BMP6: variants seen among roughly 807,000 people sequenced by gnomAD.
The protein encoded by BMP6 is VG-1-R.
Under a neutral mutation model 54.1 loss-of-function variants are expected in BMP6, and 17 were observed. The observed-to-expected ratio is 0.31, with a 90% CI of 0.22 to 0.47. The LOEUF (loss-of-function observed/expected upper bound fraction) is 0.47. Among genes scored for constraint, BMP6 ranks in the 20% least tolerant of loss-of-function variants. The pLI is 1.00. For missense variants in BMP6, 720 were observed against 690.4 expected, an observed-to-expected ratio of 1.04 and a Z score of -0.48; for synonymous variants, 328 against 291.2, an observed-to-expected ratio of 1.13 and a Z score of -1.28.
intron 1 of BMP6, among the ~76,000 whole-genome samples, chr6:7,805,388 T>G (rs1482768063): frequency 6.6e-6 from 1 of 152,244 alleles, no homozygotes; most frequent in African/African-American, 2.4e-5. Context: ...CACACGATTA[T>G]TATCTTGGTT....
At chr6:7,787,206 AATGTGTTG>A (rs952605513) in intron 1 of BMP6, among the ~76,000 whole-genome samples, 8 of 151,974 alleles carry the variant, frequency 5.3e-5, no homozygotes, top group African/African-American at 1.9e-4. Flanking sequence ...CTCTTGGGAA[AATGTGTTG>A]ATTTGTCTTC....
intron 1 of BMP6, among the ~76,000 whole-genome samples, chr6:7,777,473 C>A (rs1359405769): frequency 6.6e-6 from 1 of 152,262 alleles, no homozygotes; most frequent in East Asian, 1.9e-4. Flanking sequence ...GGAATGCCCC[C>A]CTCTGGCTCC....
intron 1 of BMP6, among the ~76,000 whole-genome samples, chr6:7,823,686 G>A (rs1194276434): frequency 6.6e-6 from 1 of 152,194 alleles, no homozygotes; most frequent in Non-Finnish European, 1.5e-5. Flanking sequence ...AGGGGAGAGA[G>A]AAAGCTGTGT....
At chr6:7,867,262 C>T (rs926284881) in intron 4 of BMP6, among the ~76,000 whole-genome samples, 4 of 152,194 alleles carry the variant, frequency 2.6e-5, no homozygotes, top group African/African-American at 9.7e-5. Flanking sequence ...GGCTCTAGTA[C>T]ATTCAGGGAT....
intron 1 of BMP6, among the ~76,000 whole-genome samples, chr6:7,813,599 C>T (rs1173212555): frequency 2.3e-5 from 3 of 131,738 alleles, no homozygotes; most frequent in Non-Finnish European, 4.6e-5. Flanking sequence ...GCTGTGATCA[C>T]ACCACTGCGC....
intron 1 of BMP6, among the ~76,000 whole-genome samples, chr6:7,785,447 T>C (rs575962470): frequency 5.9e-5 from 9 of 152,326 alleles, no homozygotes; most frequent in African/African-American, 2.2e-4. Context: ...AGATTGGTTG[T>C]GTTTTATTAT....
chr6:7,857,589 A>G (rs1581280439), intron 2 of BMP6, among the ~76,000 whole-genome samples: 1 of 152,242 alleles, frequency 6.6e-6, no homozygotes, highest in African/African-American at 2.4e-5. Flanking sequence ...TATCAGTGAC[A>G]CACATTTTAG....
chr6:7,758,101 A>G (rs1012104522), intron 1 of BMP6, among the ~76,000 whole-genome samples: 1 of 152,228 alleles, frequency 6.6e-6, no homozygotes, highest in African/African-American at 2.4e-5. Flanking sequence ...TACTCTTGCT[A>G]GTAGAGAAGA....
chr6:7,731,975 ATATT>A (rs1761867509), intron 1 of BMP6, among the ~76,000 whole-genome samples: 1 of 152,252 alleles, frequency 6.6e-6, no homozygotes, highest in African/African-American at 2.4e-5. Context: ...GAATCAGTAT[ATATT>A]AGTACAAGCA....
intron 2 of BMP6, among the ~76,000 whole-genome samples, chr6:7,860,804 C>A (rs1426775894): frequency 6.6e-6 from 1 of 152,140 alleles, no homozygotes. Flanking sequence ...TCTTGTTTCT[C>A]CTTATTTCAT....
At chr6:7,869,526 C>T (rs1201471571) in intron 4 of BMP6, among the ~76,000 whole-genome samples, 4 of 152,212 alleles carry the variant, frequency 2.6e-5, no homozygotes, top group African/African-American at 4.8e-5. Context: ...CCCAGCTAGC[C>T]GCCTTCTGTT....
At chr6:7,754,241 C>G (rs1757473212) in intron 1 of BMP6, among the ~76,000 whole-genome samples, 1 of 152,138 alleles carries the variant, frequency 6.6e-6, no homozygotes, top group Non-Finnish European at 1.5e-5. Flanking sequence ...TCTCAGCCTC[C>G]CGAGTAGCTG....
At chr6:7,767,026 A>G (rs1364146413) in intron 1 of BMP6, among the ~76,000 whole-genome samples, 1 of 147,144 alleles carries the variant, frequency 6.8e-6, no homozygotes, top group Admixed American at 6.8e-5. Flanking sequence ...TCGCTCTGTC[A>G]CCCAGGCTGG....
chr6:7,734,157 C>G (rs1463717975), intron 1 of BMP6, among the ~76,000 whole-genome samples: 1 of 152,150 alleles, frequency 6.6e-6, no homozygotes, highest in East Asian at 1.9e-4. Context: ...AACACAGCTA[C>G]CATCCCTAAC....
chr6:7,762,174 A>G (rs1275631780), intron 1 of BMP6, among the ~76,000 whole-genome samples: 1 of 152,102 alleles, frequency 6.6e-6, no homozygotes, highest in Non-Finnish European at 1.5e-5. Flanking sequence ...CACCTACCTC[A>G]GCCTCCCAAA....
At chr6:7,806,095 C>T (rs1327616726) in intron 1 of BMP6, among the ~76,000 whole-genome samples, 1 of 152,242 alleles carries the variant, frequency 6.6e-6, no homozygotes, top group Non-Finnish European at 1.5e-5. Context: ...AACATATTTT[C>T]TACAAAGCCT....
chr6:7,806,336 C>T (rs935333514), intron 1 of BMP6, among the ~76,000 whole-genome samples: 1 of 152,216 alleles, frequency 6.6e-6, no homozygotes, highest in African/African-American at 2.4e-5. Flanking sequence ...AAGTTACATT[C>T]CCTGTGTCCC....
chr6:7,827,227 G>A (rs556701547), intron 1 of BMP6, among the ~76,000 whole-genome samples: 2 of 152,122 alleles, frequency 1.3e-5, no homozygotes, highest in African/African-American at 2.4e-5. Context: ...TGACCCCGTC[G>A]CCCCCTGTGC....
chr6:7,853,898 A>G (rs1581278153), intron 2 of BMP6, among the ~76,000 whole-genome samples: 1 of 107,280 alleles, frequency 9.3e-6, no homozygotes, highest in East Asian at 4.1e-4. Flanking sequence ...AGAACGGTCT[A>G]CTTGGGGAGA....
Sources: allele counts gnomAD v4.1 joint callset (sites outside exome capture counted in the v4.1 genomes callset), GRCh38; gene constraint gnomAD v4.1.1; transcripts MANE v1.5; gene names NCBI Gene and HGNC (gene_info 2026-07-23, HGNC 2026-07-21).